ASXL2: variants seen among roughly 807,000 people sequenced by gnomAD.
ASXL2 encodes the protein ASXL transcriptional regulator 2, also known as putative Polycomb group protein ASXL2.
A neutral mutation model predicts 122.0 loss-of-function variants in ASXL2; 23 were observed. The observed-to-expected ratio is 0.19, with a 90% CI of 0.14 to 0.27. ASXL2 has a LOEUF of 0.27. Among genes scored for constraint, ASXL2 ranks in the 10% least tolerant of loss-of-function variants. The pLI, the probability that ASXL2 is intolerant of heterozygous loss-of-function variation, is 1.00. For missense variants in ASXL2, 1,518 were observed against 1,713.8 expected, an observed-to-expected ratio of 0.89 and a Z score of 2.02; for synonymous variants, 650 against 637.0, an observed-to-expected ratio of 1.02 and a Z score of -0.31.
intron 4 of ASXL2, 108 bp downstream of exon 4, chr2:25,806,121 C>G (rs2089077754): frequency 3.0e-6 from 2 of 659,834 alleles, no homozygotes; most frequent in African/African-American, 3.6e-5. Flanking sequence ...TTACCTCTTC[C>G]TGAAAATAAG....
chr2:25,863,780 C>T (rs924827830), intron 1 of ASXL2, among the ~76,000 whole-genome samples: 2 of 151,692 alleles, frequency 1.3e-5, no homozygotes, highest in Admixed American at 6.6e-5. Flanking sequence ...CCAAAGCAAG[C>T]AGATCACTTG....
Position 25,858,433 on chromosome 2 carries a change from A to AT in ASXL2, c.58-12871dup, listed in dbSNP as rs1453308526. On this transcript the variant is annotated intron_variant, in intron 1 of 12. Coordinates refer to ENST00000435504, the MANE Select transcript of ASXL2 (RefSeq NM_018263.6). Reference sequence around the variant, plus strand: ...GTCTACATTCCAAAAAAAAAAAAAAATTTTTTTTTGGACAGGCACAATGGC... The same window carrying AT: ...GTCTACATTCCAAAAAAAAAAAAAAATTTTTTTTTTGGACAGGCACAATGGC... Among the ~76,000 whole-genome samples, 8 of 150,740 alleles carry AT rather than the reference A, an allele frequency of 5.3e-5. 1 individual carries two copies. The South Asian group carries it at 1.1e-3, about 20-fold the overall frequency.
rs563232501 is a variant in ASXL2, at chr2:25,874,751, ATCAT to A, written c.57+3411_57+3414del. On this transcript the variant is annotated intron_variant, in intron 1 of 12. Transcript: ENST00000435504. ...ACTACACTATTTGTCTCTCGCTCAA[ATCAT>A]TCATTACCACCATCACTACTGCCCT... Among the ~76,000 whole-genome samples, 129 of 152,288 alleles carry A rather than the reference ATCAT, an allele frequency of 8.5e-4. 1 individual carries two copies. The highest frequency in any genetic ancestry group is 3.1e-3 in the Admixed American group (47 of 15,284).
chr2:25,832,822 G>C (rs948942545), intron 3 of ASXL2, among the ~76,000 whole-genome samples: 1 of 152,078 alleles, frequency 6.6e-6, no homozygotes, highest in Non-Finnish European at 1.5e-5. Flanking sequence ...AGAAACGGTC[G>C]CACGTCCATG....
chr2:25,830,513 C>G (rs2089437092), intron 3 of ASXL2, among the ~76,000 whole-genome samples: 1 of 151,726 alleles, frequency 6.6e-6, no homozygotes, highest in Non-Finnish European at 1.5e-5. Flanking sequence ...GTAGTCCCAG[C>G]TACTTGGGAG....
chr2:25,788,715 T>C (rs1056120452), intron 5 of ASXL2, among the ~76,000 whole-genome samples: 2 of 152,202 alleles, frequency 1.3e-5, no homozygotes, highest in Admixed American at 6.5e-5. Context: ...TTTTCATTAT[T>C]AATCATTTTG....
chr2:25,742,992 T>G lies in ASXL2; in HGVS notation c.3345A>C (p.Thr1115=), dbSNP rs1402806517. ...AGTGCCCTGCCATTGCAGGTTTGGA[T>G]GTCCTTCTGCCAGCAAAACCCAGCA... ...RFMLGFAGRR[T]SKPAMAGHYL... The change falls in exon 13 of 13, where the codon ACA becomes ACC. Residue 1115 remains threonine, a synonymous_variant. Transcript: ENST00000435504. The G allele has an allele frequency of 6.2e-7, 1 of 1,614,018 alleles. No homozygotes were observed. The highest frequency in any genetic ancestry group is 8.5e-7 in the Non-Finnish European group (1 of 1,179,878).
At chr2:25,857,924 G>A (rs1222454864) in intron 1 of ASXL2, among the ~76,000 whole-genome samples, 1 of 152,036 alleles carries the variant, frequency 6.6e-6, no homozygotes, top group Non-Finnish European at 1.5e-5. Flanking sequence ...CCAGGCTGGA[G>A]TGCAGTGGCG....
rs201180055 is a variant in ASXL2 at position 25,734,066 on chromosome 2, T to TAAAA, written c.*7962_*7963insTTTT. 1 of 142,844 alleles carries TAAAA rather than the reference T, an allele frequency of 7.0e-6. No individual in the cohort carries two copies. The allele number at this position is 142,844 out of a possible 1,614,324, so 8.8% of individuals were successfully genotyped here. A position where few individuals can be genotyped will look rare whatever the true frequency, so the allele number is the denominator to read the frequency against. The stretch of plus-strand genomic sequence containing the variant: ...CAGAATTAAGACAGGTTTTTTTTTT[T>TAAAA]TAAAAAAAATAGGTCAAAGCACTTA... On this transcript the variant is annotated 3_prime_UTR_variant, in exon 13 of 13. Coordinates refer to ENST00000435504, the MANE Select transcript of ASXL2 (RefSeq NM_018263.6).
In ASXL2 at chr2:25,738,684, A is replaced by G. The variant is rs1248767591; in HGVS notation, c.*3345T>C. On this transcript the variant is annotated 3_prime_UTR_variant, in exon 13 of 13. Transcript: ENST00000435504. The stretch of plus-strand genomic sequence containing the variant: ...TCTAAGGTGGAGAAAGGCAATAATA[A>G]ACAACAGAATGTTAACTGTCAGGTC... The G allele has an allele frequency of 1.3e-5, 2 of 152,224 alleles. No individual in the cohort carries two copies. Among genetic ancestry groups the G allele is most frequent in the Admixed American group, 6.5e-5 (1 of 15,272 alleles). 9.4% of individuals were successfully genotyped at this position (152,224 alleles called of 1,614,324 possible).
chr2:25,828,271 C>T (rs185638324), intron 3 of ASXL2, among the ~76,000 whole-genome samples: 1 of 151,772 alleles, frequency 6.6e-6, no homozygotes, highest in South Asian at 2.1e-4. Context: ...TTTGGGAGGC[C>T]GAGGCAGGTG....
At chr2:25,746,419 T>C (rs1416831312) in intron 12 of ASXL2, among the ~76,000 whole-genome samples, 3 of 151,332 alleles carry the variant, frequency 2.0e-5, no homozygotes, top group Non-Finnish European at 2.9e-5. Flanking sequence ...ACTCATCACA[T>C]AGCATTTTAG....
intron 3 of ASXL2, among the ~76,000 whole-genome samples, chr2:25,826,952 G>A (rs1022729163): frequency 6.6e-6 from 1 of 150,582 alleles, no homozygotes; most frequent in Non-Finnish European, 1.5e-5. Flanking sequence ...TCAGCCTCTT[G>A]AGTAGCTGAA....
At chr2:25,774,632 T>C (rs371618009) in intron 5 of ASXL2, among the ~76,000 whole-genome samples, 21 of 152,322 alleles carry the variant, frequency 1.4e-4, no homozygotes, top group African/African-American at 5.1e-4. Context: ...TGTGAGTGTT[T>C]TTCATCTGGG....
At chr2:25,813,836 G>C (rs912811378) in intron 3 of ASXL2, among the ~76,000 whole-genome samples, 32 of 152,196 alleles carry the variant, frequency 2.1e-4, no homozygotes, top group African/African-American at 7.2e-4. Flanking sequence ...GGATCATGAG[G>C]TCAGGAGATC....
intron 8 of ASXL2, among the ~76,000 whole-genome samples, chr2:25,762,826 C>T (rs1320662490): frequency 6.6e-6 from 1 of 151,594 alleles, no homozygotes; most frequent in Non-Finnish European, 1.5e-5. Flanking sequence ...GAAACCAAAA[C>T]AAAGAAATTT....
chr2:25,875,218 C>G (rs1370450009), intron 1 of ASXL2, among the ~76,000 whole-genome samples: 1 of 152,196 alleles, frequency 6.6e-6, no homozygotes, highest in Non-Finnish European at 1.5e-5. Flanking sequence ...AATCGCAGCT[C>G]CATCACCTTT....
chr2:25,754,655 T>G (rs2149143464), intron 10 of ASXL2, among the ~76,000 whole-genome samples: 1 of 151,190 alleles, frequency 6.6e-6, no homozygotes, highest in East Asian at 1.9e-4. Context: ...TGACTATAGG[T>G]ACAGCAGTCA....
At chr2:25,843,783 A>C (rs1302830636) in intron 2 of ASXL2, among the ~76,000 whole-genome samples, 1 of 140,996 alleles carries the variant, frequency 7.1e-6, no homozygotes, top group East Asian at 2.0e-4. Flanking sequence ...ACTGCACTCA[A>C]GGCTGGGCAA....
Sources: allele counts gnomAD v4.1 joint callset (sites outside exome capture counted in the v4.1 genomes callset), GRCh38; gene constraint gnomAD v4.1.1; transcripts MANE v1.5; gene names NCBI Gene and HGNC (gene_info 2026-07-23, HGNC 2026-07-21).